MIS18A: variants seen among roughly 807,000 people sequenced by gnomAD.
The protein encoded by MIS18A is MIS18 kinetochore protein A, also known as protein Mis18-alpha.
In MIS18A, 14 loss-of-function variants were observed where a neutral mutation model predicts 25.0. The observed-to-expected ratio is 0.56, with a 90% CI of 0.37 to 0.88. The LOEUF is 0.88. Among genes scored for constraint, MIS18A ranks in the 40% least tolerant of loss-of-function variants. The pLI is 0.00. For missense variants in MIS18A, 292 were observed against 290.8 expected, an observed-to-expected ratio of 1.00 and a Z score of -0.03; for synonymous variants, 134 against 118.6, an observed-to-expected ratio of 1.13 and a Z score of -0.84.
chr21:32,263,462 G>C (rs533358640), downstream of MIS18A, among the ~76,000 whole-genome samples: 1 of 152,148 alleles, frequency 6.6e-6, no homozygotes, highest in African/African-American at 2.4e-5. Flanking sequence ...TTAGCCAGGC[G>C]TGGTGGCACG....
the MIS18A span, among the ~76,000 whole-genome samples, chr21:32,246,236 A>C: frequency 6.6e-6 from 1 of 151,860 alleles, no homozygotes. Context: ...GGGCAGAGAC[A>C]TGTGTACAAA....
chr21:32,201,405 G>A, the MIS18A span, among the ~76,000 whole-genome samples: 1 of 151,998 alleles, frequency 6.6e-6, no homozygotes, highest in Non-Finnish European at 1.5e-5. Context: ...TCAGAACTTC[G>A]GAAGGCAATT....
At chr21:32,229,067 T>A in the MIS18A span, among the ~76,000 whole-genome samples, 1 of 152,228 alleles carries the variant, frequency 6.6e-6, no homozygotes, top group African/African-American at 2.4e-5. Context: ...ATTAAATGTA[T>A]CTTTTCCTCA....
At chr21:32,265,850 A>G (rs1356217092), downstream of MIS18A, among the ~76,000 whole-genome samples, 1 of 152,240 alleles carries the variant, frequency 6.6e-6, no homozygotes, top group Admixed American at 6.5e-5. Context: ...TTGTAAATAC[A>G]CCAATCAGCA....
the MIS18A span, among the ~76,000 whole-genome samples, chr21:32,227,647 A>G: frequency 6.6e-6 from 1 of 152,218 alleles, no homozygotes; most frequent in Non-Finnish European, 1.5e-5. Context: ...CTTGACGTCA[A>G]TTCTTCACAA....
At chr21:32,199,152 T>C in the MIS18A span, among the ~76,000 whole-genome samples, 1 of 152,168 alleles carries the variant, frequency 6.6e-6, no homozygotes, top group Non-Finnish European at 1.5e-5. Context: ...GAACATATTT[T>C]ATATGGATTT....
At chr21:32,181,750 G>GA in the MIS18A span, among the ~76,000 whole-genome samples, 2 of 152,148 alleles carry the variant, frequency 1.3e-5, no homozygotes, top group South Asian at 4.1e-4. Context: ...TGAGGGCAGT[G>GA]AAAGGCCTGG....
chr21:32,278,619 C>A, intron 1 of MIS18A, 62 bp downstream of exon 1: 1 of 1,428,314 alleles, frequency 7.0e-7, no homozygotes, highest in African/African-American at 1.4e-5. Context: ...GGGCCGCCCA[C>A]GCGCGGCACC....
chr21:32,211,067 G>C, the MIS18A span, among the ~76,000 whole-genome samples: 1 of 152,148 alleles, frequency 6.6e-6, no homozygotes, highest in Non-Finnish European at 1.5e-5. Flanking sequence ...TTGAGATGGA[G>C]TCTTGCTCTG....
At chr21:32,215,161 C>A in the MIS18A span, among the ~76,000 whole-genome samples, 3 of 152,186 alleles carry the variant, frequency 2.0e-5, no homozygotes, top group Non-Finnish European at 4.4e-5. Context: ...CAGGGACAGA[C>A]AGAGACTAAC....
the MIS18A span, among the ~76,000 whole-genome samples, chr21:32,253,759 C>T: frequency 7.8e-4 from 119 of 152,300 alleles, no homozygotes; most frequent in African/African-American, 2.6e-3. Flanking sequence ...TAGCCCAAAA[C>T]GCTCCTAGAA....
the MIS18A span, among the ~76,000 whole-genome samples, chr21:32,231,637 A>T: frequency 6.6e-6 from 1 of 152,202 alleles, no homozygotes; most frequent in African/African-American, 2.4e-5. Context: ...GCAATGCCTC[A>T]AAGTGTTAAA....
downstream of MIS18A, among the ~76,000 whole-genome samples, chr21:32,265,444 G>A (rs1291688966): frequency 1.3e-5 from 2 of 152,236 alleles, no homozygotes; most frequent in Non-Finnish European, 2.9e-5. Context: ...CAGCCCTGCT[G>A]GCCCCGGGCA....
chr21:32,266,367 G>C (rs987594598), downstream of MIS18A, among the ~76,000 whole-genome samples: 9 of 152,218 alleles, frequency 5.9e-5, no homozygotes, highest in Non-Finnish European at 1.2e-4. Flanking sequence ...GGCCAGATAA[G>C]AGAATAAAAG....
chr21:32,175,505 T>G, the MIS18A span, among the ~76,000 whole-genome samples: 2 of 151,994 alleles, frequency 1.3e-5, no homozygotes, highest in African/African-American at 4.8e-5. Flanking sequence ...GTAATAACAC[T>G]TAGTTTAAAA....
the MIS18A span, among the ~76,000 whole-genome samples, chr21:32,189,505 G>A: frequency 1.3e-5 from 2 of 152,138 alleles, no homozygotes; most frequent in East Asian, 1.9e-4. Context: ...GCTCAAATTC[G>A]TGGGTTCAAG....
the MIS18A span, among the ~76,000 whole-genome samples, chr21:32,177,687 G>A: frequency 9.9e-5 from 15 of 151,986 alleles, no homozygotes; most frequent in Admixed American, 6.6e-5. Flanking sequence ...ACAATAGCAC[G>A]GAAAATCAGA....
downstream of MIS18A, among the ~76,000 whole-genome samples, chr21:32,266,403 A>G (rs1354638148): frequency 6.6e-6 from 1 of 152,186 alleles, no homozygotes; most frequent in Non-Finnish European, 1.5e-5. Flanking sequence ...AGCATTGGCA[A>G]CCTGCTCGGG....
the MIS18A span, among the ~76,000 whole-genome samples, chr21:32,194,966 C>A: frequency 6.6e-6 from 1 of 152,200 alleles, no homozygotes; most frequent in Non-Finnish European, 1.5e-5. Context: ...GGTGATCCTG[C>A]GCTAAAAGCC....
Sources: gnomAD v4.1 joint callset for allele counts (sites outside exome capture counted in the v4.1 genomes callset) on GRCh38, gnomAD v4.1.1 for gene constraint, MANE v1.5 for transcripts, NCBI Gene and HGNC (gene_info 2026-07-23, HGNC 2026-07-21) for gene names.